CFAP47: variants seen among roughly 807,000 people sequenced by gnomAD.
CFAP47 encodes the protein cilia- and flagella-associated protein 47.
A neutral mutation model predicts 148.1 loss-of-function variants in CFAP47; 29 were observed. The observed-to-expected ratio is 0.20, with a 90% CI of 0.15 to 0.27. CFAP47 has a LOEUF of 0.27. Among genes scored for constraint, CFAP47 ranks in the 10% least tolerant of loss-of-function variants. CFAP47 has a pLI of 1.00. For synonymous variants in CFAP47, 664 were observed against 577.3 expected (o/e 1.15, Z -2.15); for missense variants, 1,872 against 1,697.5 (o/e 1.10, Z -1.81).
At chrX:36,360,022 T>C (rs1941816113) in intron 60 of CFAP47, among the ~76,000 whole-genome samples, 1 of 110,544 alleles carries the variant, frequency 9.0e-6, no homozygotes, top group African/African-American at 3.4e-5. Flanking sequence ...CAATATCTCT[T>C]TATTTTAAAG....
At chrX:36,211,624 C>A (rs1602049012) in intron 45 of CFAP47, 7 of 192,713 alleles carry the variant, frequency 3.6e-5, no homozygotes, top group Admixed American at 6.2e-5. Flanking sequence ...CCTGATGCAG[C>A]AAAAAAAAGG....
chrX:36,313,354 G>T (rs1490709159), intron 56 of CFAP47, among the ~76,000 whole-genome samples: 3 of 110,224 alleles, frequency 2.7e-5, no homozygotes, highest in African/African-American at 9.9e-5. Context: ...GAGATCAAGT[G>T]TGTAGGAGGA....
At chrX:36,119,205 G>T (rs760275744) in intron 33 of CFAP47, among the ~76,000 whole-genome samples, 2 of 111,717 alleles carry the variant, frequency 1.8e-5, no homozygotes, top group African/African-American at 3.2e-5. Flanking sequence ...ACTAGCTTCG[G>T]GTCTGTCATA....
chrX:36,249,666 A>G (rs1242231729), intron 48 of CFAP47, among the ~76,000 whole-genome samples: 3 of 111,595 alleles, frequency 2.7e-5, no homozygotes, highest in Non-Finnish European at 3.8e-5. Flanking sequence ...TTTGAGATCA[A>G]TATTATTACC....
intron 49 of CFAP47, among the ~76,000 whole-genome samples, chrX:36,271,460 G>A (rs1556001826): frequency 9.0e-6 from 1 of 111,508 alleles, no homozygotes; most frequent in African/African-American, 3.3e-5. Context: ...CATTACTATG[G>A]AAACTGGCTT....
At position 35,967,597 on chromosome X, in the gene CFAP47, CTT is replaced by C; in HGVS notation, c.1601-21_1601-20del. On this transcript the variant is annotated intron_variant, in intron 9 of 63. Transcript: ENST00000378653. ...TGAAATTAAAAATACCATCTATAAA[CTT>C]ATATTCAATTCTATAAAAGGTATAT... 1 of 1,123,056 alleles carries C rather than the reference CTT, an allele frequency of 8.9e-7. No individual in the cohort carries two copies. Among genetic ancestry groups the C allele is most frequent in the Non-Finnish European group, 1.2e-6 (1 of 818,971 alleles). The allele number at this position is 1,123,056 out of a possible 1,213,427, so 92.6% of individuals were successfully genotyped here. A position where few individuals can be genotyped will look rare whatever the true frequency, so the allele number is the denominator to read the frequency against.
At chrX:36,062,830 A>G (rs1937605218) in intron 26 of CFAP47, among the ~76,000 whole-genome samples, 1 of 111,749 alleles carries the variant, frequency 8.9e-6, no homozygotes, top group Non-Finnish European at 1.9e-5. Context: ...TTTTAAAAAA[A>G]CACTGAATTG....
intron 26 of CFAP47, among the ~76,000 whole-genome samples, chrX:36,055,734 G>A (rs968154035): frequency 8.9e-6 from 1 of 111,999 alleles, no homozygotes; most frequent in Non-Finnish European, 1.9e-5. Flanking sequence ...CTAGATCTTT[G>A]AGGAATCACC....
chrX:36,144,862 G>C lies in CFAP47; in HGVS notation c.5536-357G>C. The C allele has an allele frequency of 4.0e-6, 4 of 995,116 alleles. No individual in the cohort carries two copies. The South Asian group carries it at 6.1e-5, about 15-fold the overall frequency. 82.0% of individuals were successfully genotyped at this position (995,116 alleles called of 1,213,427 possible). On this transcript the variant is annotated intron_variant, in intron 35 of 63. Transcript: ENST00000378653. Reference sequence around the variant, plus strand: ...AGGACTTGCACCAGCAGCCTCCTTTGGGCTTTCAGCCTTCGGCCTCAGAAT... The same window carrying C: ...AGGACTTGCACCAGCAGCCTCCTTTCGGCTTTCAGCCTTCGGCCTCAGAAT...
chrX:35,958,634 T>C (rs1475246867), intron 8 of CFAP47, among the ~76,000 whole-genome samples: 2 of 112,065 alleles, frequency 1.8e-5, no homozygotes, highest in Non-Finnish European at 3.8e-5. Context: ...TAACTAATGA[T>C]GATGAATATC....
intron 32 of CFAP47, among the ~76,000 whole-genome samples, chrX:36,101,643 G>A (rs1424065475): frequency 1.8e-5 from 2 of 111,271 alleles, no homozygotes; most frequent in Non-Finnish European, 3.8e-5. Context: ...AGTTAAGGGG[G>A]TTTAAAGAGA....
At chrX:36,350,214 T>A in intron 59 of CFAP47, 82 bp downstream of exon 59, 1 of 646,409 alleles carries the variant, frequency 1.5e-6, no homozygotes. Context: ...TTGTTTGAAG[T>A]CCAGAGAAAG....
intron 45 of CFAP47, chrX:36,211,285 G>T: frequency 4.0e-6 from 1 of 247,625 alleles, no homozygotes. Context: ...TAAAGAGAAA[G>T]GAAAATTTGA....
At position 36,217,408 on chromosome X, in the gene CFAP47, A is replaced by G. The variant is rs146357655; in HGVS notation, c.6818-11220A>G. On this transcript the variant is annotated intron_variant, in intron 45 of 63. Transcript: ENST00000378653. ...TGGGATCCTGGGTCTTTAACTGTGG[A>G]ATTGGCGTCTTTTATACCAGCCTTA... 8.2e-3 allele frequency among the ~76,000 whole-genome samples: 903 copies of G among 110,646 alleles called. 4 individuals carry two copies. The highest frequency in any genetic ancestry group is 0.013 in the Non-Finnish European group (690 of 52,855).
intron 33 of CFAP47, among the ~76,000 whole-genome samples, chrX:36,128,178 C>T (rs940373053): frequency 1.8e-5 from 2 of 110,953 alleles, no homozygotes; most frequent in African/African-American, 6.6e-5. Context: ...TTTTTCTGAT[C>T]ACTTCAAGAA....
At chrX:36,371,580 T>A (rs1398779398) in intron 62 of CFAP47, among the ~76,000 whole-genome samples, 1 of 98,297 alleles carries the variant, frequency 1.0e-5, no homozygotes, top group African/African-American at 3.6e-5. Flanking sequence ...TGTGTGTATA[T>A]ATATGTGTAT....
At chrX:36,143,191 G>A (rs1939173820) in intron 35 of CFAP47, among the ~76,000 whole-genome samples, 1 of 112,062 alleles carries the variant, frequency 8.9e-6, no homozygotes, top group Admixed American at 9.5e-5. Flanking sequence ...GCTAAGGCAG[G>A]CCAGTTTTCT....
In CFAP47 at chrX:36,071,809, A is replaced by G. The variant is rs1175216640; in HGVS notation, c.4319-16A>G. ...ATGCATGTTTTGCTTACTGTGATCC[A>G]ATGTGTCATTTGTAGATAAGGATGA... On this transcript the variant is annotated splice_polypyrimidine_tract_variant and intron_variant, in intron 27 of 63. Transcript: ENST00000378653. The G allele has an allele frequency of 2.5e-6, 3 of 1,198,004 alleles. No individual in the cohort carries two copies. Among genetic ancestry groups the G allele is most frequent in the Non-Finnish European group, 3.4e-6 (3 of 887,536 alleles).
intron 13 of CFAP47, among the ~76,000 whole-genome samples, chrX:35,972,768 C>G (rs915071448): frequency 9.0e-6 from 1 of 111,282 alleles, no homozygotes; most frequent in African/African-American, 3.3e-5. Context: ...TATCAATTCC[C>G]CAGTTGATGG....
Sources: gnomAD v4.1 joint callset for allele counts (sites outside exome capture counted in the v4.1 genomes callset) on GRCh38, gnomAD v4.1.1 for gene constraint, MANE v1.5 for transcripts, NCBI Gene and HGNC (gene_info 2026-07-23, HGNC 2026-07-21) for gene names.